ARFGEF3: variants seen among roughly 807,000 people sequenced by gnomAD.
ARFGEF3 encodes the protein ARFGEF family member 3, also known as brefeldin A-inhibited guanine nucleotide-exchange protein 3.
A neutral mutation model predicts 221.7 loss-of-function variants in ARFGEF3; 96 were observed. That is an observed-to-expected ratio of 0.43 (90% CI 0.37 to 0.51). The LOEUF (loss-of-function observed/expected upper bound fraction) is 0.51. ARFGEF3 is among the 20% of genes least tolerant of loss of function. The pLI is 0.00. For missense variants in ARFGEF3, 2,410 were observed against 2,789.9 expected, an observed-to-expected ratio of 0.86 and a Z score of 3.07; for synonymous variants, 1,145 against 1,126.8, an observed-to-expected ratio of 1.02 and a Z score of -0.32.
intron 27 of ARFGEF3, among the ~76,000 whole-genome samples, chr6:138,318,559 GCA>G (rs1779966935): frequency 6.6e-6 from 1 of 152,154 alleles, no homozygotes; most frequent in South Asian, 2.1e-4. Flanking sequence ...ATGTTAAAAT[GCA>G]CATACTATGG....
At chr6:138,295,894 C>T (rs190507088) in intron 20 of ARFGEF3, among the ~76,000 whole-genome samples, 112 of 152,198 alleles carry the variant, frequency 7.4e-4, no homozygotes, top group African/African-American at 2.6e-3. Flanking sequence ...CCAAGGGGTA[C>T]AAAAATTGCC....
intron 2 of ARFGEF3, among the ~76,000 whole-genome samples, chr6:138,177,261 G>A (rs1374847560): frequency 8.0e-5 from 12 of 150,454 alleles, no homozygotes; most frequent in African/African-American, 2.2e-4. Flanking sequence ...GCTAATTTCT[G>A]TATTTTTTGT....
intron 2 of ARFGEF3, among the ~76,000 whole-genome samples, chr6:138,194,057 C>T (rs1467482215): frequency 6.6e-6 from 1 of 152,202 alleles, no homozygotes. Flanking sequence ...CACCTGAGGT[C>T]AGGAGTTCGA....
intron 14 of ARFGEF3, among the ~76,000 whole-genome samples, chr6:138,284,561 C>G (rs1779253772): frequency 6.6e-6 from 1 of 152,114 alleles, no homozygotes; most frequent in Non-Finnish European, 1.5e-5. Flanking sequence ...CTTTCCTCGC[C>G]ATAACGTTAA....
At chr6:138,196,775 C>G (rs2114477505) in intron 2 of ARFGEF3, among the ~76,000 whole-genome samples, 1 of 152,206 alleles carries the variant, frequency 6.6e-6, no homozygotes, top group South Asian at 2.1e-4. Flanking sequence ...CACAGATTGT[C>G]AGTTGTACAA....
At chr6:138,293,926 A>G in intron 19 of ARFGEF3, 67 bp from the exon 20 acceptor site, 1 of 1,512,782 alleles carries the variant, frequency 6.6e-7, no homozygotes, top group African/African-American at 1.4e-5. Flanking sequence ...AATTACCATA[A>G]TCATTCTGCC....
At position 138,317,140 on chromosome 6, in the gene ARFGEF3, C is replaced by G. The variant is rs1779939344; in HGVS notation, c.4346-111C>G. 8.9e-6 allele frequency: 10 copies of G among 1,119,028 alleles called. No individual in the cohort carries two copies. In the African/African-American group the frequency reaches 1.4e-4, roughly 16 times the overall value. 69.3% of individuals were successfully genotyped at this position (1,119,028 alleles called of 1,614,324 possible). On this transcript the variant is annotated intron_variant, in intron 26 of 33. Coordinates refer to ENST00000251691, the MANE Select transcript of ARFGEF3 (RefSeq NM_020340.5). The stretch of plus-strand genomic sequence containing the variant: ...GAAGGCTAACAACACTGGGTGATGG[C>G]TCACGTCTGTATAGCACTTGGCAGT...
At chr6:138,286,079 G>A (rs1779283648) in intron 15 of ARFGEF3, 26 bp downstream of exon 15, 1 of 1,276,750 alleles carries the variant, frequency 7.8e-7, no homozygotes, top group East Asian at 2.3e-5. Context: ...TTGAGTTTAT[G>A]AACATCCATA....
At chr6:138,290,630 T>C (rs1779386262) in intron 18 of ARFGEF3, among the ~76,000 whole-genome samples, 1 of 152,184 alleles carries the variant, frequency 6.6e-6, no homozygotes, top group Non-Finnish European at 1.5e-5. Flanking sequence ...CCCCAAGCAT[T>C]GCATCAGGAC....
chr6:138,254,886 G>C (rs985380610), intron 9 of ARFGEF3, among the ~76,000 whole-genome samples: 3 of 152,150 alleles, frequency 2.0e-5, no homozygotes, highest in African/African-American at 4.8e-5. Context: ...TGTGTTTTCA[G>C]CTCGTTCAAA....
In ARFGEF3 at chr6:138,261,566, C is replaced by T. The variant is rs1778795997; in HGVS notation, c.1144C>T (p.Pro382Ser). The change falls in exon 11 of 34, where the codon CCC becomes TCC. Residue 382 changes from proline (P) to serine (S), a missense_variant. Coordinates refer to ENST00000251691, the MANE Select transcript of ARFGEF3 (RefSeq NM_020340.5). Reference protein sequence around the residue: ...SPQRLCDLAGPSSTESESRKR... With the variant: ...SPQRLCDLAGSSSTESESRKR... ...ACAGCGTCTCTGTGACTTGGCAGGA[C>T]CCAGCTCCACTGAATCAGAGTCCAG... The T allele has an allele frequency of 6.3e-7, 1 of 1,580,046 alleles. No individual in the cohort carries two copies. Among genetic ancestry groups the T allele is most frequent in the African/African-American group, 1.3e-5 (1 of 74,206 alleles).
At chr6:138,195,128 G>A (rs1462063203) in intron 2 of ARFGEF3, among the ~76,000 whole-genome samples, 4 of 148,790 alleles carry the variant, frequency 2.7e-5, no homozygotes, top group Admixed American at 6.8e-5. Context: ...TCAGCCTCCC[G>A]AGTAGCTGGG....
At chr6:138,190,091 A>AG (rs764034988) in intron 2 of ARFGEF3, among the ~76,000 whole-genome samples, 18 of 152,066 alleles carry the variant, frequency 1.2e-4, no homozygotes, top group Non-Finnish European at 2.2e-4. Flanking sequence ...CTCAAAAAAA[A>AG]TAAAATAAAA....
chr6:138,186,159 C>A (rs914562278), intron 2 of ARFGEF3, among the ~76,000 whole-genome samples: 7 of 152,164 alleles, frequency 4.6e-5, no homozygotes, highest in African/African-American at 1.7e-4. Flanking sequence ...GCAGCTTTCA[C>A]CCTTGGGAAA....
chr6:138,175,472 C>T (rs552476840), intron 2 of ARFGEF3, among the ~76,000 whole-genome samples: 13 of 152,304 alleles, frequency 8.5e-5, no homozygotes, highest in African/African-American at 2.6e-4. Flanking sequence ...GGTATCCCTA[C>T]ACCGAAGAAG....
rs201282891 is a variant in ARFGEF3 at position 138,311,555 on chromosome 6, C to T, written c.4200+45C>T. 97 of 1,363,364 alleles carry T rather than the reference C, an allele frequency of 7.1e-5. No homozygotes were observed. In the African/African-American group the frequency reaches 9.3e-4, roughly 13 times the overall value. The allele number at this position is 1,363,364 out of a possible 1,614,324, so 84.5% of individuals were successfully genotyped here. ...GGGCTCCCGGCCTGGAAACCTGCCT[C>T]GGAACATGCTGCCAAAACATGCGTG... On this transcript the variant is annotated intron_variant, in intron 25 of 33. Transcript: ENST00000251691.
chr6:138,279,328 A>G (rs1427343639), intron 13 of ARFGEF3, among the ~76,000 whole-genome samples: 1 of 152,162 alleles, frequency 6.6e-6, no homozygotes, highest in Non-Finnish European at 1.5e-5. Flanking sequence ...GAAGGTGTGC[A>G]CTTATAAAAA....
chr6:138,188,263 T>C (rs1355724644), intron 2 of ARFGEF3, among the ~76,000 whole-genome samples: 1 of 152,174 alleles, frequency 6.6e-6, no homozygotes, highest in Non-Finnish European at 1.5e-5. Context: ...TGGTCTCTGG[T>C]AGATATGAAT....
chr6:138,186,991 C>T (rs1410467937), intron 2 of ARFGEF3, among the ~76,000 whole-genome samples: 1 of 130,096 alleles, frequency 7.7e-6, no homozygotes, highest in Non-Finnish European at 1.6e-5. Context: ...TCTTGGCTCA[C>T]TGCAACCTCC....
Sources: allele counts gnomAD v4.1 joint callset (sites outside exome capture counted in the v4.1 genomes callset), GRCh38; gene constraint gnomAD v4.1.1; transcripts MANE v1.5; gene names NCBI Gene and HGNC (gene_info 2026-07-23, HGNC 2026-07-21).